NCAM1: variants seen among roughly 807,000 people sequenced by gnomAD.
NCAM1 encodes antigen recognized by monoclonal antibody 5.1H11.
Under a neutral mutation model 109.8 loss-of-function variants are expected in NCAM1, and 14 were observed. The observed-to-expected ratio is 0.13, with a 90% CI of 0.08 to 0.20. NCAM1 has a LOEUF of 0.20. Ranked by LOEUF, NCAM1 falls within the 10% of genes least tolerant of loss-of-function variation. The probability of loss-of-function intolerance (pLI) is 1.00; values close to 1 mark genes in which losing one functional copy is unlikely to be tolerated. For missense variants in NCAM1, 774 were observed against 1,109.9 expected, an observed-to-expected ratio of 0.70 and a Z score of 4.30; for synonymous variants, 418 against 442.9, an observed-to-expected ratio of 0.94 and a Z score of 0.70.
chr11:113,039,878 C>T (rs1953013683), intron 1 of NCAM1, among the ~76,000 whole-genome samples: 1 of 152,204 alleles, frequency 6.6e-6, no homozygotes, highest in Non-Finnish European at 1.5e-5. Flanking sequence ...CGGTGGCTCA[C>T]ACCTGGAATC....
chr11:113,216,212 G>A (rs1237170185), intron 8 of NCAM1, among the ~76,000 whole-genome samples: 4 of 144,716 alleles, frequency 2.8e-5, no homozygotes, highest in Non-Finnish European at 6.0e-5. Context: ...GCAGTGGCGC[G>A]ATCTCGGCTC....
intron 1 of NCAM1, among the ~76,000 whole-genome samples, chr11:113,188,172 A>T (rs1555109203): frequency 6.6e-6 from 1 of 152,182 alleles, no homozygotes; most frequent in East Asian, 1.9e-4. Flanking sequence ...AAGGGGAATG[A>T]AGGTAGGGAT....
chr11:113,110,736 GT>G (rs1227926714), intron 1 of NCAM1, among the ~76,000 whole-genome samples: 1 of 152,128 alleles, frequency 6.6e-6, no homozygotes, highest in African/African-American at 2.4e-5. Context: ...AAAACGAAAT[GT>G]CTTGAATTTA....
At chr11:113,037,859 T>A (rs1301958332) in intron 1 of NCAM1, among the ~76,000 whole-genome samples, 1 of 152,170 alleles carries the variant, frequency 6.6e-6, no homozygotes, top group Non-Finnish European at 1.5e-5. Flanking sequence ...GCTCCATGAG[T>A]GCCAGATACA....
At chr11:113,147,533 G>A (rs1470274549) in intron 1 of NCAM1, among the ~76,000 whole-genome samples, 2 of 152,206 alleles carry the variant, frequency 1.3e-5, no homozygotes, top group East Asian at 3.9e-4. Flanking sequence ...CTCTAATGAG[G>A]TCACCTCTCA....
intron 14 of NCAM1, 166 bp from the exon 15 acceptor site, chr11:113,246,202 G>T: frequency 1.8e-6 from 1 of 545,096 alleles, no homozygotes; most frequent in Non-Finnish European, 3.3e-6. Flanking sequence ...TGATTTTGTT[G>T]TTGATTTTTC....
rs782080431 is a variant in NCAM1 at position 113,204,364 on chromosome 11, T to C, written c.206T>C (p.Ile69Thr). The C allele has an allele frequency of 6.2e-7, 1 of 1,613,994 alleles. No homozygotes were observed. Among genetic ancestry groups the C allele is most frequent in the East Asian group, 2.2e-5 (1 of 44,884 alleles). Residue 69 changes from isoleucine to threonine, a missense_variant, in exon 3 of 20, where the codon ATC becomes ACC. Transcript: ENST00000316851. ...GEKLTPNQQRISVVWNDDSSS... is the reference protein window; with the variant it reads ...GEKLTPNQQRTSVVWNDDSSS... ...AAGCTCACCCCAAACCAGCAGCGGA[T>C]CTCAGTGGTGTGGAATGATGATTCC...
intron 1 of NCAM1, among the ~76,000 whole-genome samples, chr11:113,017,020 A>C (rs1952224057): frequency 6.6e-6 from 1 of 152,206 alleles, no homozygotes; most frequent in Non-Finnish European, 1.5e-5. Context: ...CATACCAAAT[A>C]CAGTGTTCTC....
intron 1 of NCAM1, among the ~76,000 whole-genome samples, chr11:113,022,578 A>G (rs1952422484): frequency 6.6e-6 from 1 of 152,248 alleles, no homozygotes; most frequent in Admixed American, 6.5e-5. Context: ...AGAGATGGCC[A>G]AGGAAGCAGA....
At chr11:112,995,024 T>C (rs1309787639) in intron 1 of NCAM1, among the ~76,000 whole-genome samples, 2 of 152,180 alleles carry the variant, frequency 1.3e-5, no homozygotes, top group African/African-American at 4.8e-5. Context: ...TATAGCCTTG[T>C]CTCAGTAACT....
chr11:113,249,337 G>A (rs1945591867), intron 15 of NCAM1, among the ~76,000 whole-genome samples: 1 of 152,160 alleles, frequency 6.6e-6, no homozygotes, highest in Non-Finnish European at 1.5e-5. Context: ...TATCTCTAAG[G>A]ATTCCCTGCA....
intron 1 of NCAM1, among the ~76,000 whole-genome samples, chr11:113,054,464 G>A (rs937488932): frequency 1.3e-5 from 2 of 152,148 alleles, no homozygotes; most frequent in Non-Finnish European, 2.9e-5. Context: ...TTTTTCCAAT[G>A]GAATCCTCTG....
intron 1 of NCAM1, among the ~76,000 whole-genome samples, chr11:113,156,400 A>G (rs1942409503): frequency 6.6e-6 from 1 of 152,164 alleles, no homozygotes; most frequent in South Asian, 2.1e-4. Context: ...TACTAGAAAT[A>G]TATATTGGGG....
chr11:113,240,770 A>AT, intron 14 of NCAM1: 22 of 1,608,854 alleles, frequency 1.4e-5, no homozygotes, highest in African/African-American at 5.4e-5. Context: ...CCCCACCTTC[A>AT]TTTTTCTTTC....
intron 1 of NCAM1, among the ~76,000 whole-genome samples, chr11:113,078,575 G>C (rs1315252628): frequency 6.6e-6 from 1 of 152,072 alleles, no homozygotes; most frequent in East Asian, 1.9e-4. Flanking sequence ...ATGGGGAGTG[G>C]AGGGTAGTGA....
Position 113,278,422 on chromosome 11 carries a change from G to T in NCAM1, c.*3035G>T, listed in dbSNP as rs1555127163. On this transcript the variant is annotated 3_prime_UTR_variant, in exon 20 of 20. Coordinates refer to ENST00000316851, the MANE Select transcript of NCAM1 (RefSeq NM_181351.5). ...GGAATACTTGTGTTCAATAAAAATTGAAAGAAAAAAGCTATTATGATCATA... is the reference window on the plus strand; with the variant it reads ...GGAATACTTGTGTTCAATAAAAATTTAAAGAAAAAAGCTATTATGATCATA... The T allele has an allele frequency of 6.6e-6, 1 of 152,132 alleles. No homozygotes were observed. Among genetic ancestry groups the T allele is most frequent in the Non-Finnish European group, 1.5e-5 (1 of 68,018 alleles). The allele number at this position is 152,132 out of a possible 1,614,324, so 9.4% of individuals were successfully genotyped here.
intron 1 of NCAM1, among the ~76,000 whole-genome samples, chr11:113,093,970 C>G (rs1939479638): frequency 6.6e-6 from 1 of 152,206 alleles, no homozygotes; most frequent in African/African-American, 2.4e-5. Flanking sequence ...ACTCCCACCC[C>G]TGAACAAACA....
At chr11:113,270,099 C>A in intron 17 of NCAM1, 89 bp from the exon 18 acceptor site, 1 of 1,286,052 alleles carries the variant, frequency 7.8e-7, no homozygotes, top group Non-Finnish European at 1.1e-6. Context: ...TCCTCTGGGC[C>A]CTCCCCACCC....
chr11:113,165,634 C>G (rs1217766866), intron 1 of NCAM1, among the ~76,000 whole-genome samples: 2 of 152,012 alleles, frequency 1.3e-5, no homozygotes, highest in African/African-American at 2.4e-5. Flanking sequence ...TTTCCTGCAC[C>G]CTTACGACCC....
Sources: allele counts gnomAD v4.1 joint callset (sites outside exome capture counted in the v4.1 genomes callset), GRCh38; gene constraint gnomAD v4.1.1; transcripts MANE v1.5; gene names NCBI Gene and HGNC (gene_info 2026-07-23, HGNC 2026-07-21).